The following SHISAL1 variants were observed in gnomAD, a reference collection of about 807,000 sequenced individuals.
The protein encoded by SHISAL1 is protein shisa-like-1.
SHISAL1 carries 9 observed loss-of-function variants against 22.6 expected under a neutral mutation model. The ratio of observed to expected loss-of-function variants is 0.40; its 90% CI spans 0.24 to 0.70. SHISAL1 has a LOEUF of 0.70. SHISAL1 is among the 30% of genes least tolerant of loss of function. SHISAL1 has a pLI of 0.39. For synonymous variants in SHISAL1, 119 were observed against 115.4 expected (o/e 1.03, Z -0.20); for missense variants, 246 against 270.6 (o/e 0.91, Z 0.64).
the SHISAL1 span, among the ~76,000 whole-genome samples, chr22:44,318,622 G>A: frequency 5.9e-5 from 9 of 152,232 alleles, no homozygotes; most frequent in Non-Finnish European, 8.8e-5. Flanking sequence ...CTTCGGTGGT[G>A]TGAGGATTAA....
chr22:44,275,159 G>C (rs2055231019), intron 4 of SHISAL1, among the ~76,000 whole-genome samples: 1 of 152,220 alleles, frequency 6.6e-6, no homozygotes, highest in Non-Finnish European at 1.5e-5. Context: ...CCCTCCTCTG[G>C]TGGGGAGTGG....
intron 4 of SHISAL1, among the ~76,000 whole-genome samples, chr22:44,258,681 G>A (rs912219123): frequency 6.6e-6 from 1 of 152,158 alleles, no homozygotes; most frequent in Non-Finnish European, 1.5e-5. Context: ...TGTAGTCCAT[G>A]GTGTATACAT....
At chr22:44,307,231 G>A (rs775901612) in intron 1 of SHISAL1, among the ~76,000 whole-genome samples, 2 of 152,180 alleles carry the variant, frequency 1.3e-5, no homozygotes, top group Non-Finnish European at 1.5e-5. Flanking sequence ...TGCTGACCCA[G>A]GCTGGCTCAC....
chr22:44,275,392 C>A (rs921294344), intron 4 of SHISAL1, among the ~76,000 whole-genome samples: 2 of 152,230 alleles, frequency 1.3e-5, no homozygotes, highest in Non-Finnish European at 2.9e-5. Context: ...GGGCCGACGG[C>A]GGATCAGAAG....
the SHISAL1 span, among the ~76,000 whole-genome samples, chr22:44,326,434 T>C: frequency 1.3e-5 from 2 of 152,166 alleles, no homozygotes; most frequent in Non-Finnish European, 2.9e-5. Context: ...TCTCTGAGGC[T>C]TGCCAGGGAG....
At chr22:44,278,898 C>T (rs888360267) in intron 4 of SHISAL1, among the ~76,000 whole-genome samples, 1 of 152,064 alleles carries the variant, frequency 6.6e-6, no homozygotes, top group African/African-American at 2.4e-5. Flanking sequence ...GGCACCAGGG[C>T]GTGGGTAGGA....
intron 1 of SHISAL1, among the ~76,000 whole-genome samples, chr22:44,308,918 C>T (rs547465667): frequency 1.8e-4 from 26 of 144,390 alleles, no homozygotes; most frequent in African/African-American, 5.2e-4. Flanking sequence ...TCATGGGGGG[C>T]GGGAGGCTGA....
chr22:44,256,328 G>C (rs929109603), intron 4 of SHISAL1, among the ~76,000 whole-genome samples: 2 of 152,058 alleles, frequency 1.3e-5, no homozygotes, highest in Admixed American at 1.3e-4. Flanking sequence ...ACTCACACTG[G>C]AACTCACACC....
chr22:44,263,788 C>A (rs2147275006), intron 4 of SHISAL1, among the ~76,000 whole-genome samples: 1 of 152,334 alleles, frequency 6.6e-6, no homozygotes, highest in Admixed American at 6.5e-5. Flanking sequence ...TGGCCTCCAG[C>A]AGGGCCCCGT....
chr22:44,298,899 C>T (rs1204423573), intron 2 of SHISAL1, among the ~76,000 whole-genome samples: 1 of 152,106 alleles, frequency 6.6e-6, no homozygotes, highest in Non-Finnish European at 1.5e-5. Context: ...GATGAAGCCT[C>T]CCCGGCTGCC....
At chr22:44,270,062 T>TC (rs2055196032) in intron 4 of SHISAL1, among the ~76,000 whole-genome samples, 2 of 152,252 alleles carry the variant, frequency 1.3e-5, no homozygotes, top group African/African-American at 4.8e-5. Context: ...AGTGATAGCC[T>TC]CCCCCTGGGC....
rs115536822 is a variant in SHISAL1, at chr22:44,280,295, G to A, written c.599+5133C>T. On this transcript the variant is annotated intron_variant, in intron 4 of 4. Coordinates refer to ENST00000381176, the MANE Select transcript of SHISAL1 (RefSeq NM_001099294.2). Reference sequence around the variant, plus strand: ...GATAGGTGAGGCCCAGGTGGCAGTCGGCTCAGGATCTGACATAGGCTGGGA... The same window carrying A: ...GATAGGTGAGGCCCAGGTGGCAGTCAGCTCAGGATCTGACATAGGCTGGGA... 5.6e-3 allele frequency among the ~76,000 whole-genome samples: 855 copies of A among 152,180 alleles called. 12 individuals are homozygous for A. The highest frequency in any genetic ancestry group is 0.019 in the African/African-American group (800 of 41,494).
In SHISAL1 at chr22:44,249,521, AG is replaced by A; in HGVS notation, c.*163del. ...TACCCCTGAGTTTGCTCCTAATCTTAGAAGTCCGCGGAAGGGGGCTTTGGGC... is the reference window on the plus strand; with the variant it reads ...TACCCCTGAGTTTGCTCCTAATCTTAAAGTCCGCGGAAGGGGGCTTTGGGC... On this transcript the variant is annotated 3_prime_UTR_variant, in exon 5 of 5. Coordinates refer to ENST00000381176, the MANE Select transcript of SHISAL1 (RefSeq NM_001099294.2). 1.8e-6 allele frequency: 1 copy of A among 568,010 alleles called. No homozygotes were observed. Among genetic ancestry groups the A allele is most frequent in the African/African-American group, 1.9e-5 (1 of 52,662 alleles). 35.2% of individuals were successfully genotyped at this position (568,010 alleles called of 1,614,324 possible).
intron 1 of SHISAL1, among the ~76,000 whole-genome samples, chr22:44,308,715 G>A (rs189539769): frequency 5.3e-5 from 8 of 152,326 alleles, no homozygotes; most frequent in Admixed American, 1.3e-4. Flanking sequence ...TCTGTGCAGC[G>A]TGCCTGGTTT....
At chr22:44,289,612 G>A (rs2147293915) in intron 3 of SHISAL1, among the ~76,000 whole-genome samples, 1 of 152,298 alleles carries the variant, frequency 6.6e-6, no homozygotes, top group Non-Finnish European at 1.5e-5. Flanking sequence ...CCTGCCGGGG[G>A]GTGTTGCCTT....
chr22:44,290,401 C>T (rs2055344442), intron 3 of SHISAL1, among the ~76,000 whole-genome samples: 1 of 152,078 alleles, frequency 6.6e-6, no homozygotes, highest in Non-Finnish European at 1.5e-5. Context: ...TGGTGGCAGG[C>T]ACCTGTAATC....
At chr22:44,305,924 C>T (rs2055468129) in intron 1 of SHISAL1, among the ~76,000 whole-genome samples, 1 of 152,198 alleles carries the variant, frequency 6.6e-6, no homozygotes, top group South Asian at 2.1e-4. Context: ...CCCCACGCCC[C>T]CAAGGCAGCT....
chr22:44,246,597 A>C lies in SHISAL1; in HGVS notation c.*3088T>G, dbSNP rs1229226601. The C allele has an allele frequency of 1.3e-5, 2 of 152,372 alleles. No homozygotes were observed. The highest frequency in any genetic ancestry group is 3.8e-4 in the East Asian group (2 of 5,200). 9.4% of individuals were successfully genotyped at this position (152,372 alleles called of 1,614,324 possible). On this transcript the variant is annotated 3_prime_UTR_variant, in exon 5 of 5. Coordinates refer to ENST00000381176, the MANE Select transcript of SHISAL1 (RefSeq NM_001099294.2). ...CAGGATGGGGACAGTGTTTATCACA[A>C]TGACCTGGGGACCCATGGCATTTTG...
intron 1 of SHISAL1, among the ~76,000 whole-genome samples, chr22:44,311,815 C>T (rs921475395): frequency 2.0e-5 from 3 of 152,192 alleles, no homozygotes; most frequent in African/African-American, 4.8e-5. Flanking sequence ...AGAGCTTGGC[C>T]GAGACAATCA....
Sources: gnomAD v4.1 joint callset for allele counts (sites outside exome capture counted in the v4.1 genomes callset) on GRCh38, gnomAD v4.1.1 for gene constraint, MANE v1.5 for transcripts, NCBI Gene and HGNC (gene_info 2026-07-23, HGNC 2026-07-21) for gene names.